Variants in HS2ST1 observed in about 807,000 individuals in gnomAD.
The protein encoded by HS2ST1 is heparan sulfate 2-O-sulfotransferase 1, also known as 2-O-sulfotransferase.
Under a neutral mutation model 42.9 loss-of-function variants are expected in HS2ST1, and 18 were observed. The ratio of observed to expected loss-of-function variants is 0.42; its 90% CI spans 0.29 to 0.62. HS2ST1 has a LOEUF of 0.62. HS2ST1 is among the 20% of genes least tolerant of loss of function. The pLI is 0.21. For synonymous variants in HS2ST1, 146 were observed against 152.9 expected, an observed-to-expected ratio of 0.95 and a Z score of 0.33; for missense variants, 334 against 433.8, an observed-to-expected ratio of 0.77 and a Z score of 2.04.
rs530997440 is a variant in HS2ST1, at chr1:86,949,850, A to G, written c.124+34690A>G. On this transcript the variant is annotated intron_variant, in intron 1 of 6. Coordinates refer to ENST00000370550, the MANE Select transcript of HS2ST1 (RefSeq NM_012262.4). Reference sequence around the variant, plus strand: ...ATCATAACATTTTAAATAGAATACCATATAAAAAGGTAGTGAGATGCAGTT... The same window carrying G: ...ATCATAACATTTTAAATAGAATACCGTATAAAAAGGTAGTGAGATGCAGTT... 2.0e-5 allele frequency among the ~76,000 whole-genome samples: 3 copies of G among 152,334 alleles called. No individual in the cohort carries two copies. The South Asian group carries it at 6.2e-4, about 32-fold the overall frequency.
intron 5 of HS2ST1, among the ~76,000 whole-genome samples, chr1:87,100,056 G>T (rs1334954432): frequency 1.3e-5 from 2 of 152,316 alleles, no homozygotes; most frequent in Admixed American, 1.3e-4. Context: ...TGTACCTGTA[G>T]TTTTTCCAGG....
chr1:87,002,891 C>T (rs1057385280), intron 1 of HS2ST1, among the ~76,000 whole-genome samples: 1 of 152,142 alleles, frequency 6.6e-6, no homozygotes, highest in African/African-American at 2.4e-5. Context: ...GCTCTTGCAA[C>T]TTTTTAGCAG....
At chr1:86,930,913 T>G (rs1221795749) in intron 1 of HS2ST1, among the ~76,000 whole-genome samples, 1 of 151,992 alleles carries the variant, frequency 6.6e-6, no homozygotes, top group South Asian at 2.1e-4. Flanking sequence ...TTAAAATAAG[T>G]GATTAAATTT....
At chr1:86,963,762 C>A (rs1286345292) in intron 1 of HS2ST1, among the ~76,000 whole-genome samples, 1 of 136,802 alleles carries the variant, frequency 7.3e-6, no homozygotes. Context: ...CCCCACCTCC[C>A]GGACGGGGCA....
intron 1 of HS2ST1, among the ~76,000 whole-genome samples, chr1:87,007,657 A>G (rs567964000): frequency 1.3e-5 from 2 of 152,142 alleles, no homozygotes; most frequent in Non-Finnish European, 2.9e-5. Flanking sequence ...TCACATCTTT[A>G]CGGTATTTTT....
intron 1 of HS2ST1, among the ~76,000 whole-genome samples, chr1:87,053,173 A>G (rs1650876618): frequency 6.6e-6 from 1 of 152,164 alleles, no homozygotes; most frequent in African/African-American, 2.4e-5. Context: ...AATCCTAGTT[A>G]CTTCTTATTC....
At chr1:87,019,253 G>T (rs1649851225) in intron 1 of HS2ST1, among the ~76,000 whole-genome samples, 1 of 152,134 alleles carries the variant, frequency 6.6e-6, no homozygotes, top group African/African-American at 2.4e-5. Context: ...CAGGTTGCAG[G>T]TATCACATTT....
chr1:87,067,419 G>A (rs1651282740), intron 1 of HS2ST1, among the ~76,000 whole-genome samples: 1 of 152,010 alleles, frequency 6.6e-6, no homozygotes, highest in Non-Finnish European at 1.5e-5. Context: ...TGATGGGGTT[G>A]TTTTTTTCTT....
At chr1:87,044,698 T>C (rs771270133) in intron 1 of HS2ST1, among the ~76,000 whole-genome samples, 4 of 152,204 alleles carry the variant, frequency 2.6e-5, no homozygotes, top group Non-Finnish European at 5.9e-5. Context: ...TCATGACTGG[T>C]TATGCACATA....
intron 1 of HS2ST1, among the ~76,000 whole-genome samples, chr1:86,925,404 A>G (rs1239583356): frequency 1.3e-5 from 2 of 152,178 alleles, no homozygotes; most frequent in African/African-American, 4.8e-5. Flanking sequence ...ACTCTATGAT[A>G]CCAGTTTACT....
At chr1:87,072,743 G>A (rs2390264) in intron 1 of HS2ST1, among the ~76,000 whole-genome samples, 191 bp from the exon 2 acceptor site, 105,948 of 152,054 alleles carry the variant, frequency 0.7, 39,184 homozygotes, top group East Asian at 0.97. Flanking sequence ...AGGCTGTACA[G>A]CTGTTTTAGA....
chr1:86,963,376 G>A (rs917754817), intron 1 of HS2ST1, among the ~76,000 whole-genome samples: 4 of 152,082 alleles, frequency 2.6e-5, no homozygotes, highest in Admixed American at 6.5e-5. Flanking sequence ...GGAGCATGCC[G>A]CCTTCAAGCA....
intron 1 of HS2ST1, among the ~76,000 whole-genome samples, chr1:86,986,056 TA>T (rs397811173): frequency 2.3e-4 from 35 of 150,664 alleles, no homozygotes; most frequent in African/African-American, 8.1e-4. Flanking sequence ...TTTTTTTTTT[TA>T]ATCTCCCACA....
intron 1 of HS2ST1, among the ~76,000 whole-genome samples, chr1:86,919,838 G>C (rs1020924473): frequency 3.3e-5 from 5 of 152,158 alleles, no homozygotes; most frequent in Non-Finnish European, 7.3e-5. Context: ...GTGAAAAAGA[G>C]AAGTTTTTCA....
intron 1 of HS2ST1, among the ~76,000 whole-genome samples, chr1:86,947,424 A>G (rs1256166966): frequency 2.0e-5 from 3 of 152,218 alleles, no homozygotes; most frequent in Non-Finnish European, 4.4e-5. Flanking sequence ...CCAGAAAAAT[A>G]TCTGTTGTTT....
intron 1 of HS2ST1, among the ~76,000 whole-genome samples, chr1:87,049,230 GTAT>G (rs534480401): frequency 8.1e-4 from 123 of 151,792 alleles, no homozygotes; most frequent in South Asian, 1.7e-3. Context: ...ATTGTCTGTA[GTAT>G]TCTCTCCTTT....
chr1:87,021,399 A>G (rs1407275405), intron 1 of HS2ST1, among the ~76,000 whole-genome samples: 4 of 152,208 alleles, frequency 2.6e-5, no homozygotes, highest in Admixed American at 1.3e-4. Flanking sequence ...GATAATAAAG[A>G]AGTATAGCCT....
At chr1:86,947,695 G>C (rs1271424974) in intron 1 of HS2ST1, among the ~76,000 whole-genome samples, 1 of 151,602 alleles carries the variant, frequency 6.6e-6, no homozygotes, top group African/African-American at 2.4e-5. Context: ...CAGGTGTATA[G>C]ATAAGAAAGA....
intron 1 of HS2ST1, among the ~76,000 whole-genome samples, chr1:87,055,463 C>G (rs1274506948): frequency 6.6e-6 from 1 of 152,172 alleles, no homozygotes; most frequent in Non-Finnish European, 1.5e-5. Flanking sequence ...ACTGCAGTTG[C>G]TTTCCTTCAA....
Sources: gnomAD v4.1 joint callset for allele counts (sites outside exome capture counted in the v4.1 genomes callset) on GRCh38, gnomAD v4.1.1 for gene constraint, MANE v1.5 for transcripts, NCBI Gene and HGNC (gene_info 2026-07-23, HGNC 2026-07-21) for gene names.